The following TMEM117 variants were observed in gnomAD, a reference collection of about 807,000 sequenced individuals.
The protein encoded by TMEM117 is transmembrane protein 117.
TMEM117 carries 27 observed loss-of-function variants against 52.4 expected under a neutral mutation model. That is an observed-to-expected ratio of 0.51 (90% CI 0.38 to 0.71). The LOEUF is 0.71. Ranked by LOEUF, TMEM117 falls within the 30% of genes least tolerant of loss-of-function variation. The pLI is 0.00. For synonymous variants in TMEM117, 215 were observed against 206.3 expected (o/e 1.04, Z -0.36); for missense variants, 556 against 630.5 (o/e 0.88, Z 1.26).
rs142046499 is a variant in TMEM117, at chr12:44,373,771, CTTTTTTTTTT to C, written c.769-2805_769-2796del. On this transcript the variant is annotated intron_variant, in intron 6 of 7. Coordinates refer to ENST00000266534, the MANE Select transcript of TMEM117 (RefSeq NM_032256.3). Reference sequence around the variant, plus strand: ...TTCACCAGCCTAGGATGTCCATTTCCTTTTTTTTTTTTTTTTTTTTTTTTTTTTGAGATGG... The same window carrying C: ...TTCACCAGCCTAGGATGTCCATTTCCTTTTTTTTTTTTTTTTTTGAGATGG... 3.3e-4 allele frequency among the ~76,000 whole-genome samples: 20 copies of C among 60,080 alleles called. No individual in the cohort carries two copies. In the South Asian group the frequency reaches 9.7e-3, roughly 29 times the overall value. 39.4% of individuals were successfully genotyped at this position (60,080 alleles called of 152,430 possible).
At chr12:44,194,038 A>G (rs1237237055) in intron 4 of TMEM117, among the ~76,000 whole-genome samples, 1 of 152,216 alleles carries the variant, frequency 6.6e-6, no homozygotes, top group Admixed American at 6.5e-5. Flanking sequence ...AAAGTAATAT[A>G]TGCAAATAAA....
intron 5 of TMEM117, among the ~76,000 whole-genome samples, chr12:44,229,121 G>T (rs1427889926): frequency 1.3e-5 from 2 of 152,018 alleles, no homozygotes; most frequent in Non-Finnish European, 2.9e-5. Context: ...TTAACTTGTG[G>T]CCTTGAGCAT....
chr12:43,937,137 G>A (rs1944964668), intron 2 of TMEM117, among the ~76,000 whole-genome samples: 1 of 152,150 alleles, frequency 6.6e-6, no homozygotes, highest in Non-Finnish European at 1.5e-5. Context: ...TAGTCATGAA[G>A]GTAGATAAGT....
chr12:44,120,546 G>C (rs1948216719), intron 3 of TMEM117, among the ~76,000 whole-genome samples: 1 of 152,182 alleles, frequency 6.6e-6, no homozygotes, highest in Non-Finnish European at 1.5e-5. Flanking sequence ...CAGAGGGCCT[G>C]CTTTTCAGTT....
intron 6 of TMEM117, among the ~76,000 whole-genome samples, chr12:44,356,091 T>G (rs946654911): frequency 6.6e-6 from 1 of 152,116 alleles, no homozygotes; most frequent in Non-Finnish European, 1.5e-5. Flanking sequence ...GTGAGACCCA[T>G]TGGTCACTTC....
At chr12:44,341,505 T>G (rs556939324) in intron 6 of TMEM117, among the ~76,000 whole-genome samples, 2 of 152,280 alleles carry the variant, frequency 1.3e-5, no homozygotes, top group South Asian at 2.1e-4. Flanking sequence ...TTCTCTTTAA[T>G]CATCCATTGA....
intron 3 of TMEM117, among the ~76,000 whole-genome samples, chr12:44,115,261 G>C (rs934358673): frequency 6.6e-6 from 1 of 152,140 alleles, no homozygotes; most frequent in Non-Finnish European, 1.5e-5. Flanking sequence ...TGAACAATGA[G>C]AACACTTGGA....
At chr12:43,908,609 G>A (rs1156938139) in intron 2 of TMEM117, among the ~76,000 whole-genome samples, 5 of 151,758 alleles carry the variant, frequency 3.3e-5, no homozygotes, top group East Asian at 2.0e-4. Flanking sequence ...CCCATCTCAC[G>A]GGCAGAGACA....
chr12:44,357,875 T>C (rs1402993669), intron 6 of TMEM117, among the ~76,000 whole-genome samples: 1 of 152,154 alleles, frequency 6.6e-6, no homozygotes, highest in Non-Finnish European at 1.5e-5. Flanking sequence ...TGCATCCATA[T>C]GTTCATCACA....
chr12:43,806,372 G>C, the TMEM117 span: 3 of 1,227,378 alleles, frequency 2.4e-6, no homozygotes, highest in South Asian at 9.4e-5. Context: ...CGGCCGCCCC[G>C]CCCCGTGAGG....
intron 3 of TMEM117, chr12:44,009,250 C>G (rs1026969741): frequency 3.6e-6 from 1 of 277,428 alleles, no homozygotes; most frequent in Non-Finnish European, 6.9e-6. Flanking sequence ...TATTTTGCAT[C>G]CTAGCATTTG....
chr12:44,067,879 G>C (rs564332689), intron 3 of TMEM117, among the ~76,000 whole-genome samples: 1 of 152,100 alleles, frequency 6.6e-6, no homozygotes. Context: ...AGTCTTAGAC[G>C]GCATCTTCTT....
intron 4 of TMEM117, among the ~76,000 whole-genome samples, chr12:44,181,961 T>G (rs916788299): frequency 6.6e-6 from 1 of 152,088 alleles, no homozygotes; most frequent in Non-Finnish European, 1.5e-5. Context: ...GCCATTTTCA[T>G]GATATTGATT....
intron 3 of TMEM117, among the ~76,000 whole-genome samples, chr12:44,056,397 G>T (rs990385613): frequency 1.3e-5 from 2 of 152,060 alleles, no homozygotes; most frequent in Non-Finnish European, 2.9e-5. Flanking sequence ...TGTTGGGAAA[G>T]GTGCTCCCAA....
intron 4 of TMEM117, among the ~76,000 whole-genome samples, chr12:44,184,809 G>T (rs961857204): frequency 2.6e-5 from 4 of 152,156 alleles, no homozygotes; most frequent in Non-Finnish European, 5.9e-5. Context: ...ACAACTGTGA[G>T]CTAGAAAATG....
chr12:44,252,962 G>A (rs189859992), intron 5 of TMEM117, among the ~76,000 whole-genome samples: 7 of 152,168 alleles, frequency 4.6e-5, no homozygotes, highest in African/African-American at 1.7e-4. Flanking sequence ...AGAAGAAGAG[G>A]TCGGAAAAAG....
chr12:43,940,255 C>T (rs531972296), intron 2 of TMEM117, among the ~76,000 whole-genome samples: 81 of 152,282 alleles, frequency 5.3e-4, no homozygotes, highest in African/African-American at 1.9e-3. Context: ...AGGTAGGGCT[C>T]CCCACATCTC....
intron 5 of TMEM117, among the ~76,000 whole-genome samples, chr12:44,290,804 G>T (rs1950694257): frequency 6.6e-6 from 1 of 151,942 alleles, no homozygotes; most frequent in Non-Finnish European, 1.5e-5. Flanking sequence ...GCCCCAGCTG[G>T]TTATTAATTT....
chr12:44,242,993 C>G (rs866493800), intron 5 of TMEM117, among the ~76,000 whole-genome samples: 1 of 151,956 alleles, frequency 6.6e-6, no homozygotes, highest in East Asian at 1.9e-4. Context: ...ATGTGCATTT[C>G]TCTAATGATC....
Sources: allele counts gnomAD v4.1 joint callset (sites outside exome capture counted in the v4.1 genomes callset), GRCh38; gene constraint gnomAD v4.1.1; transcripts MANE v1.5; gene names NCBI Gene and HGNC (gene_info 2026-07-23, HGNC 2026-07-21).